Variants in KANSL1L observed in about 807,000 individuals in gnomAD.
KANSL1L encodes KAT8 regulatory NSL complex subunit 1-like protein.
In KANSL1L, 25 loss-of-function variants were observed where a neutral mutation model predicts 108.6. The ratio of observed to expected loss-of-function variants is 0.23; its 90% CI spans 0.17 to 0.32. KANSL1L has a LOEUF of 0.32. Ranked by LOEUF, KANSL1L falls within the 10% of genes least tolerant of loss-of-function variation. The pLI, the probability that KANSL1L is intolerant of heterozygous loss-of-function variation, is 1.00. For synonymous variants in KANSL1L, 405 were observed against 395.1 expected, an observed-to-expected ratio of 1.03 and a Z score of -0.30; for missense variants, 1,137 against 1,125.7, an observed-to-expected ratio of 1.01 and a Z score of -0.14.
chr2:210,045,742 T>TC (rs1298299847), intron 6 of KANSL1L, among the ~76,000 whole-genome samples: 1 of 152,224 alleles, frequency 6.6e-6, no homozygotes, highest in Non-Finnish European at 1.5e-5. Context: ...CTATTTTTTT[T>TC]CAGTACTTTA....
At chr2:210,142,555 T>C (rs1001868630) in intron 2 of KANSL1L, among the ~76,000 whole-genome samples, 2 of 152,148 alleles carry the variant, frequency 1.3e-5, no homozygotes, top group South Asian at 2.1e-4. Context: ...TTCTGCTTCC[T>C]TGAAGTATAA....
At position 210,029,027 on chromosome 2, in the gene KANSL1L, C is replaced by T. The variant is rs2093978174; in HGVS notation, c.2272-58G>A. The T allele has an allele frequency of 2.2e-6, 3 of 1,373,136 alleles. No homozygotes were observed. In the South Asian group the frequency reaches 4.1e-5, roughly 19 times the overall value. 85.1% of individuals were successfully genotyped at this position (1,373,136 alleles called of 1,614,324 possible). On this transcript the variant is annotated intron_variant, in intron 10 of 14. Coordinates refer to ENST00000281772, the MANE Select transcript of KANSL1L (RefSeq NM_152519.4). ...CTGTCTAGTTACTTGTAATGATACC[C>T]TCCTTTCATCAGTTATGTAAATATG...
chr2:210,056,470 G>T (rs2094352021), intron 6 of KANSL1L, among the ~76,000 whole-genome samples: 2 of 152,024 alleles, frequency 1.3e-5, no homozygotes, highest in Non-Finnish European at 2.9e-5. Flanking sequence ...GGATTTATAT[G>T]CCAGGCACTG....
Position 210,153,612 on chromosome 2 carries a change from A to C in KANSL1L, c.971T>G (p.Phe324Cys). Residue 324 changes from phenylalanine to cysteine, a missense_variant, in exon 2 of 15, where the codon TTT becomes TGT. By Grantham distance (205) the Phe-to-Cys change is radical. Coordinates refer to ENST00000281772, the MANE Select transcript of KANSL1L (RefSeq NM_152519.4). ...CAACAGCCCTGTAGCAGAAAATGCA[A>C]ATCTTTGGATTTCCGCAGCTGTACA... Reference protein sequence around the residue: ...ARCTAAEIQRFAFSATGLLSH... With the variant: ...ARCTAAEIQRCAFSATGLLSH... 2 of 1,613,824 alleles carry C rather than the reference A, an allele frequency of 1.2e-6. No individual in the cohort carries two copies. The highest frequency in any genetic ancestry group is 2.2e-5 in the South Asian group (2 of 91,002).
chr2:210,030,295 A>G (rs1391838175), intron 9 of KANSL1L, among the ~76,000 whole-genome samples: 2 of 151,922 alleles, frequency 1.3e-5, no homozygotes, highest in African/African-American at 2.4e-5. Context: ...TATGTGAGGT[A>G]TCTGTCCTTG....
chr2:210,098,907 ATAT>A (rs1383622953), intron 4 of KANSL1L, among the ~76,000 whole-genome samples: 1 of 151,222 alleles, frequency 6.6e-6, no homozygotes, highest in African/African-American at 2.4e-5. Flanking sequence ...ATATGTATAA[ATAT>A]TATTCTCAAA....
intron 3 of KANSL1L, among the ~76,000 whole-genome samples, chr2:210,105,916 T>C (rs1450685432): frequency 4.6e-5 from 7 of 152,118 alleles, no homozygotes; most frequent in Non-Finnish European, 8.8e-5. Flanking sequence ...ATAAATTAGA[T>C]ATAATAGATA....
At chr2:210,060,881 T>G in intron 6 of KANSL1L, among the ~76,000 whole-genome samples, 1 of 152,216 alleles carries the variant, frequency 6.6e-6, no homozygotes, top group Non-Finnish European at 1.5e-5. Context: ...TCTGCCCAGT[T>G]CATGTTTCTA....
chr2:210,050,396 C>T (rs2094277316), intron 6 of KANSL1L, among the ~76,000 whole-genome samples: 1 of 152,210 alleles, frequency 6.6e-6, no homozygotes, highest in Non-Finnish European at 1.5e-5. Context: ...AAAAGCCACA[C>T]CCAAATATAT....
chr2:210,145,035 C>T (rs1335683127), intron 2 of KANSL1L, among the ~76,000 whole-genome samples: 1 of 152,158 alleles, frequency 6.6e-6, no homozygotes, highest in Non-Finnish European at 1.5e-5. Context: ...AGTTCTGACT[C>T]CAGTAAGGGC....
intron 3 of KANSL1L, among the ~76,000 whole-genome samples, chr2:210,108,779 T>C (rs2094876094): frequency 6.6e-6 from 1 of 152,178 alleles, no homozygotes; most frequent in African/African-American, 2.4e-5. Flanking sequence ...AGGAAACACT[T>C]AGTGAATGTG....
At chr2:210,092,920 G>C (rs888961408) in intron 5 of KANSL1L, among the ~76,000 whole-genome samples, 1 of 151,776 alleles carries the variant, frequency 6.6e-6, no homozygotes, top group African/African-American at 2.4e-5. Flanking sequence ...CTCAAAGATA[G>C]GTTTTTTGTT....
chr2:210,022,996 A>G lies in KANSL1L; in HGVS notation c.2917T>C (p.Tyr973His), dbSNP rs2125105683. 1 of 1,613,858 alleles carries G rather than the reference A, an allele frequency of 6.2e-7. No individual in the cohort carries two copies. Among genetic ancestry groups the G allele is most frequent in the Non-Finnish European group, 8.5e-7 (1 of 1,179,860 alleles). ...GTAAGTCCTAGACCAAAGGTTTTGT[A>G]TTCTTCCATTCCATCTGACTGCTTT... is the stretch of plus-strand genomic sequence containing the variant. ...PKKQSDGMEE[Y>H]KTFGLGLTNV... Residue 973 changes from tyrosine (Y) to histidine (H), a missense_variant, in exon 15 of 15, where the codon TAC becomes CAC. Physicochemically the swap from Tyr to His is moderately conservative, Grantham distance 83. Transcript: ENST00000281772.
rs1001956989 is a variant in KANSL1L at position 210,090,829 on chromosome 2, AG to A, written c.1550+7256del. The stretch of plus-strand genomic sequence containing the variant: ...ATTACAGGCATGAGCCACCATGCCC[AG>A]CCGTGTTATTTTTAAATATATCTTT... On this transcript the variant is annotated intron_variant, in intron 5 of 14. Coordinates refer to ENST00000281772, the MANE Select transcript of KANSL1L (RefSeq NM_152519.4). 1.1e-3 allele frequency among the ~76,000 whole-genome samples: 175 copies of A among 152,314 alleles called. 1 individual carries two copies. Among genetic ancestry groups the A allele is most frequent in the African/African-American group, 3.4e-3 (143 of 41,584 alleles).
intron 6 of KANSL1L, among the ~76,000 whole-genome samples, chr2:210,052,486 G>A (rs145896683): frequency 6.6e-6 from 1 of 152,080 alleles, no homozygotes; most frequent in African/African-American, 2.4e-5. Flanking sequence ...CAGAAATACT[G>A]GAAATGCTTT....
At chr2:210,099,624 T>C (rs1019029107) in intron 4 of KANSL1L, among the ~76,000 whole-genome samples, 1 of 152,202 alleles carries the variant, frequency 6.6e-6, no homozygotes, top group Non-Finnish European at 1.5e-5. Context: ...AAATAAATTC[T>C]GAAGTATCTC....
intron 2 of KANSL1L, among the ~76,000 whole-genome samples, chr2:210,129,394 C>T (rs2095099072): frequency 6.6e-6 from 1 of 152,142 alleles, no homozygotes; most frequent in Non-Finnish European, 1.5e-5. Context: ...ATATTACATA[C>T]CCTGTAGTAG....
chr2:210,052,556 G>A (rs377240028), intron 6 of KANSL1L, among the ~76,000 whole-genome samples: 3 of 152,046 alleles, frequency 2.0e-5, no homozygotes, highest in Non-Finnish European at 2.9e-5. Flanking sequence ...CTAATCTAAC[G>A]TCAGTTATTC....
At chr2:210,084,011 A>G (rs1031787139) in intron 5 of KANSL1L, among the ~76,000 whole-genome samples, 1 of 152,138 alleles carries the variant, frequency 6.6e-6, no homozygotes, top group Non-Finnish European at 1.5e-5. Context: ...ACTCTGGGTA[A>G]TAAGTAGAGA....
Sources: gnomAD v4.1 joint callset for allele counts (sites outside exome capture counted in the v4.1 genomes callset) on GRCh38, gnomAD v4.1.1 for gene constraint, MANE v1.5 for transcripts, NCBI Gene and HGNC (gene_info 2026-07-23, HGNC 2026-07-21) for gene names.